ETV6: variants seen among roughly 807,000 people sequenced by gnomAD.
ETV6 encodes the protein transcription factor ETV6.
Under a neutral mutation model 51.1 loss-of-function variants are expected in ETV6, and 16 were observed. The observed-to-expected ratio is 0.31, with a 90% CI of 0.21 to 0.48. The LOEUF (loss-of-function observed/expected upper bound fraction) is 0.48, where lower values mean the gene tolerates loss of function less well. Among genes scored for constraint, ETV6 ranks in the 20% least tolerant of loss-of-function variants. The probability of loss-of-function intolerance (pLI) is 0.99; values close to 1 mark genes in which losing one functional copy is unlikely to be tolerated. For missense variants in ETV6, 458 were observed against 594.8 expected (o/e 0.77, Z 2.39); for synonymous variants, 240 against 224.1 (o/e 1.07, Z -0.64).
chr12:11,689,749 C>T (rs1864713141), intron 1 of ETV6, among the ~76,000 whole-genome samples: 1 of 151,008 alleles, frequency 6.6e-6, no homozygotes, highest in African/African-American at 2.4e-5. Context: ...TGGTTGGCCA[C>T]ATTTCCCCCT....
chr12:11,891,734 G>C lies in ETV6; in HGVS notation c.*688G>C. 2 of 421,728 alleles carry C rather than the reference G, an allele frequency of 4.7e-6. No individual in the cohort carries two copies. The highest frequency in any genetic ancestry group is 2.2e-5 in the South Asian group (1 of 44,790). 26.1% of individuals were successfully genotyped at this position (421,728 alleles called of 1,614,324 possible). A position where few individuals can be genotyped will look rare whatever the true frequency, so the allele number is the denominator to read the frequency against. On this transcript the variant is annotated 3_prime_UTR_variant, in exon 8 of 8. Coordinates refer to ENST00000396373, the MANE Select transcript of ETV6 (RefSeq NM_001987.5). The stretch of plus-strand genomic sequence containing the variant: ...GTTGAGATTCAGATGCCTTCTGACA[G>C]AGTTCAGCCTCTTGGAGAGTCTTGG...
At chr12:11,784,115 T>C (rs1176185376) in intron 2 of ETV6, among the ~76,000 whole-genome samples, 1 of 152,200 alleles carries the variant, frequency 6.6e-6, no homozygotes, top group Non-Finnish European at 1.5e-5. Flanking sequence ...GCACCTGCTA[T>C]GTGCCAAGTG....
At chr12:11,854,762 G>A (rs1002653624) in intron 4 of ETV6, among the ~76,000 whole-genome samples, 1 of 151,990 alleles carries the variant, frequency 6.6e-6, no homozygotes. Flanking sequence ...TTAGCAAGGG[G>A]TAATAAAAGT....
intron 4 of ETV6, among the ~76,000 whole-genome samples, chr12:11,868,963 G>A (rs772076504): frequency 7.2e-5 from 11 of 152,242 alleles, no homozygotes; most frequent in South Asian, 2.1e-4. Context: ...AAGGCCAGGC[G>A]CGGTGGCTCA....
intron 1 of ETV6, among the ~76,000 whole-genome samples, chr12:11,671,406 G>T (rs2856311): frequency 0.94 from 143,407 of 152,282 alleles, 67,831 homozygotes; most frequent in Non-Finnish European, 0.99. Context: ...GAAATGAGAT[G>T]TGATGTTCAG....
At chr12:11,672,711 A>G (rs1864343249) in intron 1 of ETV6, among the ~76,000 whole-genome samples, 1 of 152,204 alleles carries the variant, frequency 6.6e-6, no homozygotes, top group Admixed American at 6.5e-5. Context: ...ACTGACCCCC[A>G]CCACACGTGT....
chr12:11,836,029 C>T (rs1196481214), intron 2 of ETV6, among the ~76,000 whole-genome samples: 1 of 152,172 alleles, frequency 6.6e-6, no homozygotes, highest in African/African-American at 2.4e-5. Flanking sequence ...GTGCTTAGAG[C>T]AGTACTAGGT....
chr12:11,860,684 T>C (rs1194971849), intron 4 of ETV6, among the ~76,000 whole-genome samples: 1 of 140,202 alleles, frequency 7.1e-6, no homozygotes, highest in Non-Finnish European at 1.5e-5. Context: ...GGCTGTTATT[T>C]GGTTGTTTCC....
intron 2 of ETV6, among the ~76,000 whole-genome samples, chr12:11,791,706 A>G (rs1030785120): frequency 6.6e-6 from 1 of 152,224 alleles, no homozygotes; most frequent in Non-Finnish European, 1.5e-5. Context: ...AAAGACATCA[A>G]TATGTGAATA....
At chr12:11,701,951 C>T (rs11054420) in intron 1 of ETV6, among the ~76,000 whole-genome samples, 4 of 152,218 alleles carry the variant, frequency 2.6e-5, no homozygotes, top group East Asian at 3.9e-4. Flanking sequence ...TTGGAAGAAT[C>T]GCAAGGACAG....
At chr12:11,706,277 G>T (rs906134950) in intron 1 of ETV6, among the ~76,000 whole-genome samples, 5 of 152,210 alleles carry the variant, frequency 3.3e-5, no homozygotes, top group African/African-American at 9.6e-5. Context: ...AGAAAAGCAG[G>T]ATGGCAGTCT....
intron 4 of ETV6, among the ~76,000 whole-genome samples, chr12:11,863,609 A>G (rs1946747565): frequency 6.6e-6 from 1 of 152,190 alleles, no homozygotes; most frequent in African/African-American, 2.4e-5. Flanking sequence ...CAGCTCACCA[A>G]GAACAAACCC....
chr12:11,793,146 C>T (rs972670132), intron 2 of ETV6, among the ~76,000 whole-genome samples: 2 of 151,998 alleles, frequency 1.3e-5, no homozygotes, highest in African/African-American at 4.8e-5. Context: ...GATATCGGAG[C>T]TTTCAGTTGG....
intron 2 of ETV6, among the ~76,000 whole-genome samples, chr12:11,811,852 A>T (rs1945918765): frequency 6.6e-6 from 1 of 152,172 alleles, no homozygotes; most frequent in African/African-American, 2.4e-5. Flanking sequence ...CTGGGATTTA[A>T]ACCAGAGCTG....
At chr12:11,742,716 A>G (rs1407743254) in intron 1 of ETV6, among the ~76,000 whole-genome samples, 1 of 152,162 alleles carries the variant, frequency 6.6e-6, no homozygotes, top group Admixed American at 6.5e-5. Flanking sequence ...ATTCTTCATC[A>G]TAATAACACC....
chr12:11,825,820 G>T (rs185336063), intron 2 of ETV6: 4 of 148,896 alleles, frequency 2.7e-5, no homozygotes, highest in Non-Finnish European at 5.9e-5. Flanking sequence ...GCCAACAACA[G>T]TAGAAAGCAT....
intron 2 of ETV6, among the ~76,000 whole-genome samples, chr12:11,825,441 A>C (rs1323143518): frequency 2.0e-5 from 3 of 152,232 alleles, no homozygotes; most frequent in African/African-American, 7.2e-5. Flanking sequence ...TCTCTGGGGA[A>C]AAAACCACAA....
intron 4 of ETV6, among the ~76,000 whole-genome samples, chr12:11,857,154 TAA>T (rs1946643767): frequency 6.6e-6 from 1 of 152,258 alleles, no homozygotes; most frequent in African/African-American, 2.4e-5. Flanking sequence ...CAGACATTCA[TAA>T]TTTCACAATG....
At chr12:11,771,793 G>C (rs116116290) in intron 2 of ETV6, among the ~76,000 whole-genome samples, 1,924 of 152,322 alleles carry the variant, frequency 0.013, 43 homozygotes, top group African/African-American at 0.044. Flanking sequence ...TGTTCTCTCA[G>C]ATTTCAACTA....
Sources: gnomAD v4.1 joint callset for allele counts (sites outside exome capture counted in the v4.1 genomes callset) on GRCh38, gnomAD v4.1.1 for gene constraint, MANE v1.5 for transcripts, NCBI Gene and HGNC (gene_info 2026-07-23, HGNC 2026-07-21) for gene names.